The following LPP variants were observed in gnomAD, a reference collection of about 807,000 sequenced individuals.
LPP encodes the protein LIM domain containing preferred translocation partner in lipoma, also known as lipoma-preferred partner.
LPP carries 38 observed loss-of-function variants against 60.4 expected under a neutral mutation model. That is an observed-to-expected ratio of 0.63 (90% CI 0.49 to 0.83). LPP has a LOEUF of 0.83. Ranked by LOEUF, LPP falls within the 40% of genes least tolerant of loss-of-function variation. The pLI, the probability that LPP is intolerant of heterozygous loss-of-function variation, is 0.00. For missense variants in LPP, 902 were observed against 783.6 expected, an observed-to-expected ratio of 1.15 and a Z score of -1.80; for synonymous variants, 328 against 290.8, an observed-to-expected ratio of 1.13 and a Z score of -1.30.
At chr3:188,438,120 A>G (rs1792805968) in intron 4 of LPP, among the ~76,000 whole-genome samples, 1 of 152,080 alleles carries the variant, frequency 6.6e-6, no homozygotes, top group Admixed American at 6.6e-5. Flanking sequence ...ATCCTTTTGG[A>G]CTGGATCATG....
intron 6 of LPP, among the ~76,000 whole-genome samples, chr3:188,582,818 G>C (rs1836556424): frequency 6.6e-6 from 1 of 152,064 alleles, no homozygotes; most frequent in Non-Finnish European, 1.5e-5. Flanking sequence ...AGAAGTTTAG[G>C]TATTATTTCT....
At chr3:188,755,992 T>C (rs954937392) in intron 8 of LPP, among the ~76,000 whole-genome samples, 1 of 152,148 alleles carries the variant, frequency 6.6e-6, no homozygotes, top group African/African-American at 2.4e-5. Context: ...CTCTTCAGAT[T>C]AGCTCCATTA....
chr3:188,383,947 T>C (rs1196297172), intron 3 of LPP, among the ~76,000 whole-genome samples: 3 of 152,216 alleles, frequency 2.0e-5, no homozygotes, highest in African/African-American at 4.8e-5. Context: ...ACGTTAATCA[T>C]TGATACCACC....
At chr3:188,423,428 T>C (rs1008276611) in intron 4 of LPP, among the ~76,000 whole-genome samples, 1 of 152,176 alleles carries the variant, frequency 6.6e-6, no homozygotes, top group African/African-American at 2.4e-5. Flanking sequence ...GTCTTCATAG[T>C]AGAATGATTT....
intron 9 of LPP, among the ~76,000 whole-genome samples, chr3:188,864,598 G>T (rs1766118691): frequency 6.6e-6 from 1 of 152,214 alleles, no homozygotes; most frequent in African/African-American, 2.4e-5. Context: ...GACCATTGAG[G>T]AAGGCTTCAC....
At position 188,878,772 on chromosome 3, in the gene LPP, A is replaced by G. The variant is rs528950813; in HGVS notation, c.*4293A>G. Reference sequence around the variant, plus strand: ...AAAGTAAAAAAGTAAAAAAAAAAAAAAAAGAAAGAAAGAAAAGAAAGAGAG... The same window carrying G: ...AAAGTAAAAAAGTAAAAAAAAAAAAGAAAGAAAGAAAGAAAAGAAAGAGAG... On this transcript the variant is annotated 3_prime_UTR_variant, in exon 12 of 12. Transcript: ENST00000617246. 42 of 204,866 alleles carry G rather than the reference A, an allele frequency of 2.1e-4. 1 individual carries two copies. The East Asian group carries it at 3.0e-3, about 15-fold the overall frequency. The allele number at this position is 204,866 out of a possible 1,614,324, so 12.7% of individuals were successfully genotyped here.
At chr3:188,490,079 G>A (rs1219297706) in intron 5 of LPP, among the ~76,000 whole-genome samples, 1 of 152,180 alleles carries the variant, frequency 6.6e-6, no homozygotes, top group African/African-American at 2.4e-5. Context: ...GAGTAGAAAT[G>A]TGTCCCTTTA....
chr3:188,572,461 A>C lies in LPP; in HGVS notation c.430-36700A>C, dbSNP rs1833747158. Reference sequence around the variant, plus strand: ...AGAGGTTAATGTCGGTAGACACATTATTAGAGTTAAGGGTCCTAAGGCTTT... The same window carrying C: ...AGAGGTTAATGTCGGTAGACACATTCTTAGAGTTAAGGGTCCTAAGGCTTT... On this transcript the variant is annotated intron_variant, in intron 6 of 11. Transcript: ENST00000617246. This position sits in a 1 kb window ranked among gnomAD's most constrained non-coding sequence, Gnocchi z 4.1. Among the ~76,000 whole-genome samples, 1 of 152,090 alleles carries C rather than the reference A, an allele frequency of 6.6e-6. No homozygotes were observed. The highest frequency in any genetic ancestry group is 1.5e-5 in the Non-Finnish European group (1 of 67,996).
At chr3:188,508,268 G>A (rs962020661) in intron 5 of LPP, among the ~76,000 whole-genome samples, 1 of 152,172 alleles carries the variant, frequency 6.6e-6, no homozygotes. Flanking sequence ...TATCCTTCCT[G>A]TCCTAGTATG....
At chr3:188,359,324 A>C (rs1275218045) in intron 3 of LPP, among the ~76,000 whole-genome samples, 1 of 152,220 alleles carries the variant, frequency 6.6e-6, no homozygotes, top group Non-Finnish European at 1.5e-5. Flanking sequence ...TGACGAAGTA[A>C]AAGTGAGAAG....
chr3:188,623,664 C>G (rs900909122), intron 7 of LPP, among the ~76,000 whole-genome samples: 48 of 152,352 alleles, frequency 3.2e-4, no homozygotes, highest in South Asian at 4.1e-4. Context: ...TTATACTACA[C>G]TGCCTGCTTG....
intron 8 of LPP, among the ~76,000 whole-genome samples, chr3:188,733,635 G>GGTTTGTT (rs1461810237): frequency 2.6e-5 from 4 of 152,052 alleles, no homozygotes; most frequent in Non-Finnish European, 5.9e-5. Context: ...GTTGATGTGT[G>GGTTTGTT]GTTATTGCTA....
chr3:188,171,680 TTC>T (rs1175477099), intron 1 of LPP, among the ~76,000 whole-genome samples: 1 of 152,226 alleles, frequency 6.6e-6, no homozygotes, highest in Non-Finnish European at 1.5e-5. Context: ...GTGAGATGCT[TTC>T]TTTTTGACAC....
At chr3:188,665,712 C>T (rs528721488) in intron 7 of LPP, among the ~76,000 whole-genome samples, 15 of 152,222 alleles carry the variant, frequency 9.9e-5, no homozygotes, top group African/African-American at 3.4e-4. Flanking sequence ...CTGCCTGCCT[C>T]GGCCTCCCAA....
At chr3:188,787,412 T>G (rs1286669828) in intron 9 of LPP, among the ~76,000 whole-genome samples, 1 of 151,922 alleles carries the variant, frequency 6.6e-6, no homozygotes, top group African/African-American at 2.4e-5. Flanking sequence ...ACTTTAGATC[T>G]CTCTCTCTTA....
intron 8 of LPP, among the ~76,000 whole-genome samples, chr3:188,728,252 A>C (rs1454489043): frequency 6.6e-6 from 1 of 152,346 alleles, no homozygotes; most frequent in South Asian, 2.1e-4. Flanking sequence ...AAAGTTGACA[A>C]TTACTGATCT....
intron 2 of LPP, chr3:188,239,818 T>A (rs1468502002): frequency 4.7e-6 from 1 of 214,976 alleles, no homozygotes; most frequent in South Asian, 1.9e-4. Flanking sequence ...CACTTTAATT[T>A]ATCTGGCAGG....
At position 188,624,740 on chromosome 3, in the gene LPP, C is replaced by T. The variant is rs185436510; in HGVS notation, c.1113+14896C>T. Among the ~76,000 whole-genome samples, 927 of 136,850 alleles carry T rather than the reference C, an allele frequency of 6.8e-3. 3 individuals carry two copies. Among genetic ancestry groups the T allele is most frequent in the Middle Eastern group, 0.016 (4 of 252 alleles). 89.8% of individuals were successfully genotyped at this position (136,850 alleles called of 152,430 possible). Reference sequence around the variant, plus strand: ...CCCTTTCCCTTTCCCTTTCCCTTTCCCTTCCCTTCCCTTCTCCTTCTCCTT... The same window carrying T: ...CCCTTTCCCTTTCCCTTTCCCTTTCTCTTCCCTTCCCTTCTCCTTCTCCTT... On this transcript the variant is annotated intron_variant, in intron 7 of 11. Coordinates refer to ENST00000617246, the MANE Select transcript of LPP (RefSeq NM_001375462.1).
At chr3:188,698,638 C>T (rs1171219383) in intron 7 of LPP, among the ~76,000 whole-genome samples, 1 of 152,178 alleles carries the variant, frequency 6.6e-6, no homozygotes, top group Non-Finnish European at 1.5e-5. Flanking sequence ...CTCTGCGACT[C>T]GCTTTTCTTA....
Sources: allele counts gnomAD v4.1 joint callset (sites outside exome capture counted in the v4.1 genomes callset), GRCh38; gene constraint gnomAD v4.1.1; non-coding constraint Gnocchi (gnomAD v3.1); transcripts MANE v1.5; gene names NCBI Gene and HGNC (gene_info 2026-07-23, HGNC 2026-07-21).